SYNE3: variants seen among roughly 807,000 people sequenced by gnomAD.
SYNE3 encodes the protein nesprin-3.
Under a neutral mutation model 111.2 loss-of-function variants are expected in SYNE3, and 100 were observed. The observed-to-expected ratio is 0.90, with a 90% confidence interval of 0.77 to 1.06. The LOEUF (loss-of-function observed/expected upper bound fraction) is 1.06. Among genes scored for constraint, SYNE3 ranks in the 50% least tolerant of loss-of-function variants. SYNE3 has a pLI of 0.00. For missense variants in SYNE3, 1,160 were observed against 1,240.3 expected, an observed-to-expected ratio of 0.94 and a Z score of 0.97; for synonymous variants, 547 against 533.9, an observed-to-expected ratio of 1.02 and a Z score of -0.34.
At chr14:95,498,124 T>C (rs1269562615) in intron 1 of SYNE3, among the ~76,000 whole-genome samples, 3 of 151,748 alleles carry the variant, frequency 2.0e-5, no homozygotes, top group African/African-American at 7.3e-5. Flanking sequence ...TATTAACAAT[T>C]TTTTTTAAAA....
At chr14:95,484,531 G>A (rs994597511) in intron 1 of SYNE3, among the ~76,000 whole-genome samples, 14 of 152,202 alleles carry the variant, frequency 9.2e-5, no homozygotes, top group Non-Finnish European at 1.6e-4. Context: ...AGAGAGCACT[G>A]AGCAGGGTAC....
chr14:95,448,557 G>A (rs1886855642), intron 8 of SYNE3, among the ~76,000 whole-genome samples: 1 of 152,206 alleles, frequency 6.6e-6, no homozygotes, highest in Non-Finnish European at 1.5e-5. Flanking sequence ...GCATGGTGGT[G>A]CATGCCTGTA....
At chr14:95,489,873 G>A (rs1432892473) in intron 1 of SYNE3, among the ~76,000 whole-genome samples, 1 of 152,184 alleles carries the variant, frequency 6.6e-6, no homozygotes, top group Non-Finnish European at 1.5e-5. Flanking sequence ...AGGCAAGAGT[G>A]GGCCTCAGCA....
chr14:95,475,944 T>A, intron 1 of SYNE3, 109 bp from the exon 2 acceptor site: 1 of 1,148,340 alleles, frequency 8.7e-7, no homozygotes, highest in Non-Finnish European at 1.1e-6. Flanking sequence ...AACCCTCCCC[T>A]GGTGCTCCCA....
At chr14:95,472,743 C>T (rs962009893) in intron 2 of SYNE3, among the ~76,000 whole-genome samples, 39 of 152,178 alleles carry the variant, frequency 2.6e-4, no homozygotes, top group Non-Finnish European at 2.9e-4. Flanking sequence ...AACCCAGGAG[C>T]GATGGGTTCT....
intron 17 of SYNE3, among the ~76,000 whole-genome samples, chr14:95,420,060 C>T (rs557715490): frequency 7.9e-5 from 12 of 151,756 alleles, no homozygotes; most frequent in Admixed American, 2.6e-4. Flanking sequence ...CAGATGATAA[C>T]GCTTAACCCT....
intron 8 of SYNE3, chr14:95,449,543 C>G: frequency 1.0e-6 from 1 of 985,488 alleles, no homozygotes; most frequent in Non-Finnish European, 1.2e-6. Context: ...GAGCTGTGGC[C>G]TGGCACCCTG....
At chr14:95,421,951 C>A (rs1192099311) in intron 17 of SYNE3, among the ~76,000 whole-genome samples, 1 of 152,218 alleles carries the variant, frequency 6.6e-6, no homozygotes, top group African/African-American at 2.4e-5. Flanking sequence ...AGGAGACCCT[C>A]CCTGGCCTTA....
intron 1 of SYNE3, among the ~76,000 whole-genome samples, chr14:95,505,897 C>T (rs1411203835): frequency 6.6e-6 from 1 of 152,150 alleles, no homozygotes; most frequent in Non-Finnish European, 1.5e-5. Flanking sequence ...TTCACCTAGA[C>T]AAGATCCAGA....
chr14:95,506,097 T>C (rs1274614962), intron 1 of SYNE3, among the ~76,000 whole-genome samples: 7 of 151,828 alleles, frequency 4.6e-5, no homozygotes, highest in African/African-American at 1.7e-4. Context: ...GGAGGGGAGA[T>C]AAAGAGATGA....
At chr14:95,453,302 CCTT>C (rs1887205413) in intron 6 of SYNE3, among the ~76,000 whole-genome samples, 1 of 152,182 alleles carries the variant, frequency 6.6e-6, no homozygotes, top group African/African-American at 2.4e-5. Flanking sequence ...GTGCTTCTGT[CCTT>C]CTTGACCATA....
intron 11 of SYNE3, 25 bp from the exon 12 acceptor site, chr14:95,440,100 G>A: frequency 6.3e-7 from 1 of 1,575,830 alleles, no homozygotes; most frequent in South Asian, 1.1e-5. Context: ...GGGGAGCCCA[G>A]GGCATCCTGA....
chr14:95,466,687 G>T (rs1013195747), intron 3 of SYNE3, among the ~76,000 whole-genome samples: 1 of 152,188 alleles, frequency 6.6e-6, no homozygotes, highest in African/African-American at 2.4e-5. Context: ...CTAATTTTAG[G>T]AGCAGACTGC....
intron 4 of SYNE3, among the ~76,000 whole-genome samples, chr14:95,461,744 G>C (rs1535187): frequency 0.77 from 117,479 of 151,948 alleles, 46,104 homozygotes; most frequent in African/African-American, 0.9. Context: ...AGGAAGGCAC[G>C]AGGACAGAAC....
intron 2 of SYNE3, among the ~76,000 whole-genome samples, chr14:95,473,159 C>T (rs928063739): frequency 6.6e-6 from 1 of 152,060 alleles, no homozygotes; most frequent in African/African-American, 2.4e-5. Flanking sequence ...GCCGGAGCCC[C>T]GTGGGAGGAG....
chr14:95,434,957 C>G (rs1886002972), intron 15 of SYNE3, among the ~76,000 whole-genome samples: 1 of 152,200 alleles, frequency 6.6e-6, no homozygotes, highest in African/African-American at 2.4e-5. Context: ...CCCTGCCTAT[C>G]CTAAATCTTA....
In SYNE3 at chr14:95,500,656, T is replaced by G. The variant is rs956853953; in HGVS notation, c.-15+15940A>C. Among the ~76,000 whole-genome samples the G allele has an allele frequency of 2.0e-5, 3 of 152,178 alleles. No homozygotes were observed. The highest frequency in any genetic ancestry group is 6.5e-5 in the Admixed American group (1 of 15,286). ...AGCACTTGGAAGCTGAGCAACCACC[T>G]TCATGATTCCCGCTGATCCTCTCCC... On this transcript the variant is annotated intron_variant, in intron 1 of 17. Transcript: ENST00000682763. The surrounding 1 kb of genome is among the most constrained non-coding windows in gnomAD (Gnocchi z 4.7).
chr14:95,514,611 G>C (rs79455354), intron 1 of SYNE3, among the ~76,000 whole-genome samples: 4 of 152,194 alleles, frequency 2.6e-5, no homozygotes, highest in Non-Finnish European at 5.9e-5. Flanking sequence ...AACACCTGCC[G>C]TGCTATGGTT....
At chr14:95,452,176 G>T in intron 7 of SYNE3, 71 bp downstream of exon 7, 7 of 1,478,368 alleles carry the variant, frequency 4.7e-6, no homozygotes, top group Non-Finnish European at 6.3e-6. Context: ...AAGCAAGCCC[G>T]CCTTCTGGAG....
Sources: gnomAD v4.1 joint callset for allele counts (sites outside exome capture counted in the v4.1 genomes callset) on GRCh38, gnomAD v4.1.1 for gene constraint, Gnocchi (gnomAD v3.1) non-coding constraint, MANE v1.5 for transcripts, NCBI Gene and HGNC (gene_info 2026-07-23, HGNC 2026-07-21) for gene names.